LMLN: variants seen among roughly 807,000 people sequenced by gnomAD.
LMLN encodes leishmanolysin-like peptidase.
LMLN carries 70 observed loss-of-function variants against 92.3 expected under a neutral mutation model. The observed-to-expected ratio is 0.76, with a 90% CI of 0.63 to 0.92. The LOEUF is 0.92. Among genes scored for constraint, LMLN ranks in the 40% least tolerant of loss-of-function variants. The pLI is 0.00. For synonymous variants in LMLN, 308 were observed against 296.2 expected, an observed-to-expected ratio of 1.04 and a Z score of -0.41; for missense variants, 691 against 814.6, an observed-to-expected ratio of 0.85 and a Z score of 1.85.
chr3:198,000,278 T>C (rs959046735), intron 11 of LMLN, among the ~76,000 whole-genome samples: 2 of 152,242 alleles, frequency 1.3e-5, no homozygotes, highest in Non-Finnish European at 2.9e-5. Context: ...TTGTTACCTC[T>C]TACTCTTTCT....
intron 11 of LMLN, chr3:197,999,733 C>T (rs927563537): frequency 6.0e-6 from 1 of 166,338 alleles, no homozygotes; most frequent in African/African-American, 2.4e-5. Flanking sequence ...TGTCATGTTA[C>T]CCAGGTTCAC....
chr3:198,020,903 G>T (rs149847677), intron 12 of LMLN, among the ~76,000 whole-genome samples: 2 of 146,502 alleles, frequency 1.4e-5, no homozygotes, highest in Non-Finnish European at 3.0e-5. Flanking sequence ...GATTACAGGC[G>T]TGATCCACCA....
At chr3:197,980,698 G>A (rs1342440274) in intron 6 of LMLN, 194 bp downstream of exon 6, 13 of 448,408 alleles carry the variant, frequency 2.9e-5, no homozygotes, top group Non-Finnish European at 4.3e-5. Flanking sequence ...GATAACCCAA[G>A]TTTTTAGTCA....
intron 13 of LMLN, among the ~76,000 whole-genome samples, chr3:198,022,741 A>C (rs1722816052): frequency 6.6e-6 from 1 of 152,202 alleles, no homozygotes; most frequent in Admixed American, 6.5e-5. Context: ...CTGTGGTCCC[A>C]GCTATGGAGG....
At chr3:197,962,164 C>A (rs951204374) in intron 1 of LMLN, among the ~76,000 whole-genome samples, 1 of 152,028 alleles carries the variant, frequency 6.6e-6, no homozygotes, top group South Asian at 2.1e-4. Context: ...AACTAGTTTT[C>A]TAATTGTTTT....
intron 14 of LMLN, among the ~76,000 whole-genome samples, chr3:198,026,737 A>T (rs1722943212): frequency 6.6e-6 from 1 of 152,174 alleles, no homozygotes; most frequent in Non-Finnish European, 1.5e-5. Context: ...AGAGACTAAG[A>T]TCTGGGCGGT....
chr3:197,982,952 A>AG (rs1721600202), intron 6 of LMLN, among the ~76,000 whole-genome samples: 1 of 152,218 alleles, frequency 6.6e-6, no homozygotes, highest in South Asian at 2.1e-4. Flanking sequence ...ACACTGTCGG[A>AG]GGACAGGTGC....
intron 15 of LMLN, among the ~76,000 whole-genome samples, chr3:198,037,679 T>G (rs1193076748): frequency 6.6e-6 from 1 of 152,182 alleles, no homozygotes; most frequent in Non-Finnish European, 1.5e-5. Flanking sequence ...GTTTAAAATA[T>G]TTAAAAGGGC....
At chr3:197,996,132 C>CT (rs1560143872) in intron 9 of LMLN, 43 bp from the exon 10 acceptor site, 1 of 1,176,754 alleles carries the variant, frequency 8.5e-7, no homozygotes, top group Non-Finnish European at 1.2e-6. Flanking sequence ...TCTTACGGTA[C>CT]TTTTGTACCA....
intron 11 of LMLN, among the ~76,000 whole-genome samples, chr3:198,000,226 C>T (rs560846193): frequency 2.0e-5 from 3 of 151,994 alleles, no homozygotes; most frequent in East Asian, 3.9e-4. Context: ...TTTTATACAA[C>T]CCCTACATAT....
Position 198,042,814 on chromosome 3 carries a change from G to C in LMLN, c.*4147G>C, listed in dbSNP as rs1030169328. On this transcript the variant is annotated 3_prime_UTR_variant, in exon 16 of 16. Transcript: ENST00000330198. This position sits in a 1 kb window ranked among gnomAD's most constrained non-coding sequence, Gnocchi z 4.2. Reference sequence around the variant, plus strand: ...CAAAATTTACAGGAAGGAAGCAAAAGCCATGTCAGTAGCCTTGAGCTGACA... The same window carrying C: ...CAAAATTTACAGGAAGGAAGCAAAACCCATGTCAGTAGCCTTGAGCTGACA... 2.0e-5 allele frequency: 3 copies of C among 152,186 alleles called. No homozygotes were observed. The highest frequency in any genetic ancestry group is 4.4e-5 in the Non-Finnish European group (3 of 68,030). The allele number at this position is 152,186 out of a possible 1,614,324, so 9.4% of individuals were successfully genotyped here. A position where few individuals can be genotyped will look rare whatever the true frequency, so the allele number is the denominator to read the frequency against.
At chr3:198,027,471 C>G (rs191578244) in intron 14 of LMLN, among the ~76,000 whole-genome samples, 212 of 152,156 alleles carry the variant, frequency 1.4e-3, no homozygotes, top group African/African-American at 4.4e-3. Context: ...ACATTGCCAC[C>G]GAGCGTCTCA....
intron 9 of LMLN, among the ~76,000 whole-genome samples, chr3:197,993,544 G>C (rs758748366): frequency 1.3e-5 from 2 of 151,900 alleles, no homozygotes; most frequent in Non-Finnish European, 2.9e-5. Flanking sequence ...AATTTAACCA[G>C]GGAAGTAAAA....
intron 11 of LMLN, among the ~76,000 whole-genome samples, chr3:198,012,368 C>T (rs867468054): frequency 9.9e-5 from 15 of 152,186 alleles, no homozygotes; most frequent in African/African-American, 2.7e-4. Flanking sequence ...TACATTCGGA[C>T]GCTGGGTGAA....
intron 1 of LMLN, among the ~76,000 whole-genome samples, chr3:197,969,664 A>C (rs1462837642): frequency 6.6e-6 from 1 of 152,226 alleles, no homozygotes; most frequent in Non-Finnish European, 1.5e-5. Flanking sequence ...ACTGAAGCAG[A>C]ATGTACAACA....
exon 16 of LMLN, chr3:198,038,925 TCAGCAACCCAACCACCTC>T: frequency 2.8e-6 from 1 of 356,974 alleles, no homozygotes. Context: ...AACCACCTCG[TCAGCAACCCAACCACCTC>T]GTCAGCAACC....
chr3:197,984,474 C>T (rs1721643587), intron 7 of LMLN, among the ~76,000 whole-genome samples: 1 of 150,496 alleles, frequency 6.6e-6, no homozygotes, highest in Admixed American at 6.6e-5. Context: ...TACGGCAGAG[C>T]CCTGGGCTGC....
intron 10 of LMLN, among the ~76,000 whole-genome samples, chr3:197,997,575 G>A (rs888398283): frequency 3.5e-4 from 54 of 152,218 alleles, no homozygotes; most frequent in Admixed American, 6.5e-5. Flanking sequence ...TGCACGCAGA[G>A]CCGCTGGCTA....
exon 16 of LMLN, chr3:198,038,671 T>C (rs754757561): frequency 6.3e-7 from 1 of 1,583,578 alleles, no homozygotes; most frequent in Admixed American, 1.7e-5. Flanking sequence ...GCACTAGGAA[T>C]GGAAAAGTGG....
Sources: allele counts gnomAD v4.1 joint callset (sites outside exome capture counted in the v4.1 genomes callset), GRCh38; gene constraint gnomAD v4.1.1; non-coding constraint Gnocchi (gnomAD v3.1); transcripts MANE v1.5; gene names NCBI Gene and HGNC (gene_info 2026-07-23, HGNC 2026-07-21).